Variants in SHOC1 observed in about 807,000 individuals in gnomAD.
SHOC1 encodes protein shortage in chiasmata 1 ortholog.
SHOC1 carries 136 observed loss-of-function variants against 179.2 expected under a neutral mutation model. The observed-to-expected ratio is 0.76, with a 90% CI of 0.66 to 0.87. The LOEUF (loss-of-function observed/expected upper bound fraction) is 0.87, where lower values mean the gene tolerates loss of function less well. Ranked by LOEUF, SHOC1 falls within the 40% of genes least tolerant of loss-of-function variation. SHOC1 has a pLI of 0.00. For synonymous variants in SHOC1, 489 were observed against 586.6 expected, an observed-to-expected ratio of 0.83 and a Z score of 2.41; for missense variants, 1,538 against 1,700.8, an observed-to-expected ratio of 0.90 and a Z score of 1.68.
At position 111,775,801 on chromosome 9, in the gene SHOC1, G is replaced by A. The variant is rs1162040522; in HGVS notation, c.432C>T (p.Asn144=). ...AAATAAACGTTTTACCTTGGTTCTG[G>A]TTTTGAAGTGCTGAACATTTTTCTA... ...SCLEKCSALQ[N]QNQDLFIDDK... Residue 144 remains asparagine, a synonymous_variant, in exon 5 of 28, where the codon AAC becomes AAT. Transcript: ENST00000682961. 1.2e-6 allele frequency: 2 copies of A among 1,605,910 alleles called. No homozygotes were observed. Among genetic ancestry groups the A allele is most frequent in the African/African-American group, 2.7e-5 (2 of 74,636 alleles).
At chr9:111,723,507 G>T (rs1419052668) in intron 14 of SHOC1, among the ~76,000 whole-genome samples, 1 of 152,222 alleles carries the variant, frequency 6.6e-6, no homozygotes, top group East Asian at 1.9e-4. Context: ...CTGGGCAGAA[G>T]AGTCCGAGGA....
rs201951017 is a variant in SHOC1 at position 111,738,321 on chromosome 9, T to G, written c.1376A>C (p.Lys459Thr). ...CHDNLSSNDT[K>T]IEIFLPTKVL... ...TTTCGTAGGCAAAAATATCTCAATT[T>G]TAGTGTCATTAGAAGACAAATTATC... Residue 459 changes from lysine (K) to threonine (T), a missense_variant, in exon 12 of 28, where the codon AAA becomes ACA. Coordinates refer to ENST00000682961, the MANE Select transcript of SHOC1 (RefSeq NM_001378211.1). 141 of 1,611,946 alleles carry G rather than the reference T, an allele frequency of 8.7e-5. 1 individual carries two copies. The highest frequency in any genetic ancestry group is 5.9e-6 in the Non-Finnish European group (7 of 1,179,310).
At chr9:111,719,598 C>T (rs1004330368) in intron 15 of SHOC1, among the ~76,000 whole-genome samples, 5 of 152,100 alleles carry the variant, frequency 3.3e-5, no homozygotes, top group African/African-American at 1.2e-4. Flanking sequence ...TCATAAAGGC[C>T]AGTTTGCTGA....
At chr9:111,714,709 C>T in intron 16 of SHOC1, 86 bp from the exon 17 acceptor site, 1 of 1,167,230 alleles carries the variant, frequency 8.6e-7, no homozygotes, top group Non-Finnish European at 1.2e-6. Context: ...GAAAATAAGT[C>T]AAAGCAGAGA....
chr9:111,745,823 T>G (rs1171399717), intron 10 of SHOC1, among the ~76,000 whole-genome samples: 4 of 152,210 alleles, frequency 2.6e-5, no homozygotes, highest in African/African-American at 9.6e-5. Context: ...ACAGTGCCAT[T>G]AGCAAGTGTC....
At chr9:111,759,212 A>C in intron 5 of SHOC1, 1 of 1,613,806 alleles carries the variant, frequency 6.2e-7, no homozygotes, top group Middle Eastern at 1.7e-4. Flanking sequence ...GAAGTATTTG[A>C]CTTCTGCTGA....
intron 12 of SHOC1, among the ~76,000 whole-genome samples, chr9:111,730,376 C>A (rs779657183): frequency 2.0e-5 from 3 of 152,170 alleles, no homozygotes; most frequent in Non-Finnish European, 4.4e-5. Flanking sequence ...TCTATGGCAG[C>A]TCTGGCCTTA....
At chr9:111,717,502 A>G (rs1352742520) in intron 16 of SHOC1, among the ~76,000 whole-genome samples, 2 of 151,796 alleles carry the variant, frequency 1.3e-5, no homozygotes, top group African/African-American at 4.8e-5. Context: ...CTGAGGCAGG[A>G]GAATGGCATG....
intron 24 of SHOC1, among the ~76,000 whole-genome samples, chr9:111,696,990 G>A (rs926786072): frequency 1.3e-5 from 2 of 152,172 alleles, no homozygotes; most frequent in Non-Finnish European, 2.9e-5. Context: ...GACATTTATT[G>A]AATGTTTTTG....
Position 111,692,378 on chromosome 9 carries a change from T to C in SHOC1, c.3599A>G (p.Asp1200Gly), listed in dbSNP as rs1831485188. 1 of 1,613,478 alleles carries C rather than the reference T, an allele frequency of 6.2e-7. No individual in the cohort carries two copies. Among genetic ancestry groups the C allele is most frequent in the Non-Finnish European group, 8.5e-7 (1 of 1,179,716 alleles). The change falls in exon 27 of 28, where the codon GAC (aspartate) becomes GGC (glycine). Residue 1200 changes from aspartate to glycine, a missense_variant. Transcript: ENST00000682961. The stretch of plus-strand genomic sequence containing the variant: ...TTCATTATGTTCTTGAATGACAGAG[T>C]CTAAATCAGAAGCTGAACTTTGAGA... Reference protein sequence around the residue: ...LSSQSSASDLDSVIQEHNEYY... With the variant: ...LSSQSSASDLGSVIQEHNEYY...
intron 5 of SHOC1, among the ~76,000 whole-genome samples, chr9:111,769,451 G>A (rs534315915): frequency 5.3e-5 from 8 of 151,898 alleles, no homozygotes; most frequent in East Asian, 1.9e-4. Flanking sequence ...GGTTTGTTGC[G>A]GTTTTCTATT....
chr9:111,706,436 A>G (rs1832277351), intron 20 of SHOC1, 132 bp downstream of exon 20: 1 of 504,638 alleles, frequency 2.0e-6, no homozygotes, highest in Non-Finnish European at 3.3e-6. Flanking sequence ...GGTCACACAG[A>G]TAGTGGTGGG....
At chr9:111,756,143 C>G (rs773262037) in intron 8 of SHOC1, among the ~76,000 whole-genome samples, 182 bp downstream of exon 8, 1 of 152,006 alleles carries the variant, frequency 6.6e-6, no homozygotes, top group Non-Finnish European at 1.5e-5. Context: ...ACAACAACAA[C>G]AACAAGAAAA....
At chr9:111,793,545 A>G (rs182341627) in intron 1 of SHOC1, among the ~76,000 whole-genome samples, 1 of 152,294 alleles carries the variant, frequency 6.6e-6, no homozygotes, top group Admixed American at 6.5e-5. Flanking sequence ...GAATCCATCT[A>G]ATAGTGGTGG....
intron 12 of SHOC1, among the ~76,000 whole-genome samples, chr9:111,735,904 T>C (rs1177247382): frequency 6.6e-6 from 1 of 152,224 alleles, no homozygotes; most frequent in Non-Finnish European, 1.5e-5. Flanking sequence ...TGGTATCTCA[T>C]TGGTACCACA....
At position 111,718,169 on chromosome 9, in the gene SHOC1, A is replaced by G; in HGVS notation, c.2236+15T>C. ...TAATAGGAAGAAAAGAGGAAATAAA[A>G]TATTCCCCACCAACCCAATGCTGTG... is the stretch of plus-strand genomic sequence containing the variant. On this transcript the variant is annotated intron_variant, in intron 16 of 27. Coordinates refer to ENST00000682961, the MANE Select transcript of SHOC1 (RefSeq NM_001378211.1). The G allele has an allele frequency of 6.6e-7, 1 of 1,520,298 alleles. No homozygotes were observed. The highest frequency in any genetic ancestry group is 1.7e-4 in the Middle Eastern group (1 of 5,872). 94.2% of individuals were successfully genotyped at this position (1,520,298 alleles called of 1,614,324 possible). A position where few individuals can be genotyped will look rare whatever the true frequency, so the allele number is the denominator to read the frequency against.
chr9:111,724,676 T>G (rs1252683945), intron 13 of SHOC1, among the ~76,000 whole-genome samples: 1 of 152,120 alleles, frequency 6.6e-6, no homozygotes, highest in Non-Finnish European at 1.5e-5. Flanking sequence ...TGCTGCACCC[T>G]GCAGGTCTCA....
At chr9:111,787,907 T>C (rs1405100459) in intron 2 of SHOC1, among the ~76,000 whole-genome samples, 4 of 152,184 alleles carry the variant, frequency 2.6e-5, no homozygotes, top group Non-Finnish European at 5.9e-5. Flanking sequence ...CAAGGCAAGA[T>C]GCTCCACCAG....
At chr9:111,794,161 T>G (rs1022060962) in intron 1 of SHOC1, among the ~76,000 whole-genome samples, 1 of 150,792 alleles carries the variant, frequency 6.6e-6, no homozygotes, top group Non-Finnish European at 1.5e-5. Flanking sequence ...GCCCCAAGAT[T>G]ATTTAAAAGC....
Sources: allele counts gnomAD v4.1 joint callset (sites outside exome capture counted in the v4.1 genomes callset), GRCh38; gene constraint gnomAD v4.1.1; transcripts MANE v1.5; gene names NCBI Gene and HGNC (gene_info 2026-07-23, HGNC 2026-07-21).